Variants in NHSL3 observed in about 807,000 individuals in gnomAD.
The protein encoded by NHSL3 is NHS like 3.
At chr1:32,771,083 C>T in the NHSL3 span, 4 of 1,613,556 alleles carry the variant, frequency 2.5e-6, no homozygotes, top group African/African-American at 4.0e-5. Context: ...TCTTTATGTT[C>T]CTCCTCCTCT....
chr1:32,771,785 C>T, the NHSL3 span: 41 of 1,613,374 alleles, frequency 2.5e-5, 1 homozygote, highest in Non-Finnish European at 3.4e-5. Context: ...GGTGGTGGGC[C>T]TCCCAGGGAG....
chr1:32,748,747 G>A, the NHSL3 span, among the ~76,000 whole-genome samples: 1 of 152,138 alleles, frequency 6.6e-6, no homozygotes, highest in Non-Finnish European at 1.5e-5. Context: ...TAATAGGGGC[G>A]GAGTTCCCTC....
chr1:32,742,037 G>A, the NHSL3 span: 2 of 1,258,226 alleles, frequency 1.6e-6, no homozygotes, highest in South Asian at 5.8e-5. Flanking sequence ...AAGAAGTCCC[G>A]CTCCGGCGCG....
At chr1:32,760,553 G>A in the NHSL3 span, among the ~76,000 whole-genome samples, 15 of 151,554 alleles carry the variant, frequency 9.9e-5, no homozygotes, top group African/African-American at 3.6e-4. Flanking sequence ...CAGGGACTAG[G>A]GTGGCTTAGG....
chr1:32,760,375 G>A, the NHSL3 span, among the ~76,000 whole-genome samples: 1 of 152,220 alleles, frequency 6.6e-6, no homozygotes, highest in African/African-American at 2.4e-5. Context: ...AAGACAGTGC[G>A]TGCGCATGCG....
chr1:32,742,260 G>A, the NHSL3 span: 2 of 1,222,244 alleles, frequency 1.6e-6, no homozygotes, highest in African/African-American at 1.6e-5. Flanking sequence ...TCTGCCGGGG[G>A]TCCGCGCGCG....
the NHSL3 span, chr1:32,765,763 C>T: frequency 2.6e-6 from 4 of 1,547,628 alleles, no homozygotes; most frequent in East Asian, 2.4e-5. Context: ...GAGTGGCGCC[C>T]GCAGTCATGG....
the NHSL3 span, among the ~76,000 whole-genome samples, chr1:32,757,271 T>G: frequency 6.6e-6 from 1 of 151,310 alleles, no homozygotes; most frequent in Non-Finnish European, 1.5e-5. Context: ...AGGGAGCCAG[T>G]GAAGGTGTTT....
the NHSL3 span, chr1:32,754,246 T>A: frequency 1.5e-6 from 1 of 676,638 alleles, no homozygotes; most frequent in Non-Finnish European, 2.7e-6. Context: ...TCGCCACCGC[T>A]GCTGCCCCCT....
At chr1:32,772,157 C>A in the NHSL3 span, 6 of 1,613,392 alleles carry the variant, frequency 3.7e-6, no homozygotes, top group Non-Finnish European at 5.1e-6. Context: ...GAGACCCAGG[C>A]TGACCTCCAG....
chr1:32,773,019 G>A, the NHSL3 span: 8 of 821,032 alleles, frequency 9.7e-6, no homozygotes, highest in African/African-American at 5.1e-5. Context: ...TAACCTCCAC[G>A]GCCTTCGATA....
the NHSL3 span, chr1:32,765,862 G>A: frequency 4.0e-6 from 6 of 1,504,826 alleles, no homozygotes; most frequent in South Asian, 1.2e-5. Flanking sequence ...GGGGAGGGAT[G>A]CTCGATGCCT....
chr1:32,746,396 T>C, the NHSL3 span, among the ~76,000 whole-genome samples: 3 of 152,070 alleles, frequency 2.0e-5, no homozygotes, highest in African/African-American at 4.8e-5. Flanking sequence ...GGGGAGGCTT[T>C]CTGGAGGAGG....
the NHSL3 span, chr1:32,770,344 TCA>T: frequency 1.9e-6 from 3 of 1,611,298 alleles, no homozygotes; most frequent in Non-Finnish European, 1.7e-6. The surrounding 1 kb of genome is among the most constrained non-coding windows in gnomAD (Gnocchi z 8.3). Flanking sequence ...CAGCCCAGCC[TCA>T]GTCCGCTCGC....
At chr1:32,744,709 A>G in the NHSL3 span, among the ~76,000 whole-genome samples, 1 of 152,188 alleles carries the variant, frequency 6.6e-6, no homozygotes, top group East Asian at 1.9e-4. Context: ...GCAACTTCTC[A>G]GTGGGCTCCC....
At chr1:32,744,468 T>G in the NHSL3 span, among the ~76,000 whole-genome samples, 659 of 152,234 alleles carry the variant, frequency 4.3e-3, 2 homozygotes, top group Non-Finnish European at 7.7e-3. Context: ...ACCAAACGGA[T>G]TTAAACTCAA....
At chr1:32,756,518 G>A in the NHSL3 span, among the ~76,000 whole-genome samples, 7 of 144,102 alleles carry the variant, frequency 4.9e-5, no homozygotes, top group South Asian at 2.2e-4. Flanking sequence ...GTATCTGGGC[G>A]TGGTGGCACA....
At chr1:32,756,472 C>CA in the NHSL3 span, among the ~76,000 whole-genome samples, 1 of 74,382 alleles carries the variant, frequency 1.3e-5, no homozygotes, top group Non-Finnish European at 2.9e-5. Context: ...ATGACGAGAC[C>CA]CCCCCCCCCC....
At chr1:32,754,233 T>C in the NHSL3 span, 1 of 698,988 alleles carries the variant, frequency 1.4e-6, no homozygotes, top group East Asian at 2.8e-5. Flanking sequence ...CCTACTGCGG[T>C]CGTCGCCACC....
Sources: allele counts gnomAD v4.1 joint callset (sites outside exome capture counted in the v4.1 genomes callset), GRCh38; gene constraint gnomAD v4.1.1; non-coding constraint Gnocchi (gnomAD v3.1); transcripts MANE v1.5; gene names NCBI Gene and HGNC (gene_info 2026-07-23, HGNC 2026-07-21).